The following DZANK1 variants were observed in gnomAD, a reference collection of about 807,000 sequenced individuals.
DZANK1 encodes double zinc ribbon and ankyrin repeat-containing protein 1.
A neutral mutation model predicts 94.5 loss-of-function variants in DZANK1; 91 were observed. That is an observed-to-expected ratio of 0.96 (90% CI 0.81 to 1.15). DZANK1 has a LOEUF of 1.15. DZANK1 is among the 50% of genes most tolerant of loss of function. The pLI, the probability that DZANK1 is intolerant of heterozygous loss-of-function variation, is 0.00. For synonymous variants in DZANK1, 312 were observed against 325.3 expected, an observed-to-expected ratio of 0.96 and a Z score of 0.44; for missense variants, 903 against 916.4, an observed-to-expected ratio of 0.99 and a Z score of 0.19.
chr20:18,398,519 C>G lies in DZANK1; in HGVS notation c.1536+4G>C. 6.2e-7 allele frequency: 1 copy of G among 1,613,740 alleles called. No homozygotes were observed. The highest frequency in any genetic ancestry group is 8.5e-7 in the Non-Finnish European group (1 of 1,179,698). On this transcript the variant is annotated splice_donor_region_variant and intron_variant, in intron 14 of 20. Coordinates refer to ENST00000262547, the Ensembl canonical transcript of DZANK1. ...TTGTGGAGTGGAAATTTCATCTCAC[C>G]CACCTTTCCCATCCTGGGTTCTGCA...
chr20:18,466,504 G>C (rs549574535), intron 1 of DZANK1, among the ~76,000 whole-genome samples: 11 of 152,310 alleles, frequency 7.2e-5, no homozygotes, highest in Admixed American at 7.2e-4. Context: ...GATACTGACA[G>C]CACAACAATA....
chr20:18,395,007 T>C (rs575823010), intron 15 of DZANK1: 15 of 395,964 alleles, frequency 3.8e-5, no homozygotes, highest in East Asian at 2.2e-4. Context: ...TGCCTGCTCC[T>C]GTCCCAGGGA....
chr20:18,437,216 GA>G (rs2148651064), intron 8 of DZANK1, among the ~76,000 whole-genome samples: 1 of 152,256 alleles, frequency 6.6e-6, no homozygotes, highest in East Asian at 1.9e-4. Flanking sequence ...AACATATATA[GA>G]AGCAATATTT....
intron 12 of DZANK1, 63 bp downstream of exon 12, chr20:18,414,285 C>T: frequency 6.3e-7 from 1 of 1,578,812 alleles, no homozygotes; most frequent in Non-Finnish European, 8.6e-7. Context: ...CAGGGTGGAG[C>T]ACACACATTC....
intron 8 of DZANK1, among the ~76,000 whole-genome samples, chr20:18,442,265 G>A (rs368841086): frequency 4.6e-5 from 7 of 152,210 alleles, no homozygotes; most frequent in African/African-American, 1.7e-4. Context: ...TTCCAGGCAA[G>A]TAGAAAATAA....
At chr20:18,442,626 C>A (rs946036009) in intron 8 of DZANK1, among the ~76,000 whole-genome samples, 1 of 152,138 alleles carries the variant, frequency 6.6e-6, no homozygotes, top group East Asian at 1.9e-4. Context: ...TGAGGCATAA[C>A]TCGAATCTAA....
intron 10 of DZANK1, among the ~76,000 whole-genome samples, chr20:18,424,498 A>G (rs2057944209): frequency 1.3e-5 from 2 of 151,952 alleles, no homozygotes; most frequent in South Asian, 4.2e-4. Context: ...AAGAAAAGAA[A>G]AAAATGACAG....
exon 20 of DZANK1, chr20:18,385,033 G>A (rs1467228261): frequency 2.6e-6 from 4 of 1,552,748 alleles, no homozygotes; most frequent in Non-Finnish European, 3.5e-6. Context: ...AAGTGGCGGT[G>A]CTCTCTCTTC....
Position 18,441,459 on chromosome 20 carries a change from G to T in DZANK1, c.747+1888C>A, listed in dbSNP as rs1568987306. ...AAGTTCATATAAATAGTTATTAACTGGTATCCAGGGATTAACTACTAATGG... is the reference window on the plus strand; with the variant it reads ...AAGTTCATATAAATAGTTATTAACTTGTATCCAGGGATTAACTACTAATGG... On this transcript the variant is annotated intron_variant, in intron 8 of 20. Coordinates refer to ENST00000262547, the Ensembl canonical transcript of DZANK1. The surrounding 1 kb of genome is among the most constrained non-coding windows in gnomAD (Gnocchi z 4.1). Among the ~76,000 whole-genome samples, 1 of 152,174 alleles carries T rather than the reference G, an allele frequency of 6.6e-6. No individual in the cohort carries two copies. The highest frequency in any genetic ancestry group is 1.5e-5 in the Non-Finnish European group (1 of 68,028).
chr20:18,394,991 C>A (rs779500387), intron 15 of DZANK1: 3 of 409,354 alleles, frequency 7.3e-6, no homozygotes, highest in South Asian at 5.3e-5. Flanking sequence ...TGCACCCTCA[C>A]GTGGCTGCCT....
At chr20:18,400,389 G>C (rs2056604820) in intron 13 of DZANK1, among the ~76,000 whole-genome samples, 1 of 152,184 alleles carries the variant, frequency 6.6e-6, no homozygotes, top group Non-Finnish European at 1.5e-5. Flanking sequence ...GAGAAGCTAG[G>C]GGATCTGCTC....
intron 13 of DZANK1, among the ~76,000 whole-genome samples, chr20:18,409,911 C>T (rs1047249121): frequency 1.3e-5 from 2 of 151,102 alleles, no homozygotes; most frequent in East Asian, 1.9e-4. Flanking sequence ...CTACTAAAAA[C>T]ACAAAAAATT....
At chr20:18,399,455 C>G (rs1266568017) in intron 13 of DZANK1, among the ~76,000 whole-genome samples, 1 of 152,100 alleles carries the variant, frequency 6.6e-6, no homozygotes, top group Non-Finnish European at 1.5e-5. Context: ...GTCACAAACT[C>G]CTGGGCTCAA....
chr20:18,384,162 C>T lies in DZANK1; in HGVS notation c.*237G>A, dbSNP rs185299570. On this transcript the variant is annotated 3_prime_UTR_variant, in exon 21 of 21. Transcript: ENST00000262547. Reference sequence around the variant, plus strand: ...GTAACCTCTGCCTCCCGGGTTCAAGCGATTTTCCTGCCTCAGCCTCTCGAG... The same window carrying T: ...GTAACCTCTGCCTCCCGGGTTCAAGTGATTTTCCTGCCTCAGCCTCTCGAG... The T allele has an allele frequency of 1.9e-3, 594 of 314,370 alleles. 7 individuals carry two copies. The highest frequency in any genetic ancestry group is 0.011 in the African/African-American group (525 of 46,538). 19.5% of individuals were successfully genotyped at this position (314,370 alleles called of 1,614,324 possible). A position where few individuals can be genotyped will look rare whatever the true frequency, so the allele number is the denominator to read the frequency against.
intron 10 of DZANK1, among the ~76,000 whole-genome samples, chr20:18,423,295 T>C (rs1168626007): frequency 6.6e-6 from 1 of 152,200 alleles, no homozygotes; most frequent in Admixed American, 6.5e-5. Flanking sequence ...TGTTTCCCTG[T>C]CATTAAGTGA....
intron 17 of DZANK1, 55 bp from the exon 18 acceptor site, chr20:18,390,514 C>T: frequency 6.6e-7 from 1 of 1,514,084 alleles, no homozygotes; most frequent in Non-Finnish European, 9.2e-7. Context: ...TCACTCAAGG[C>T]AAACACTTTC....
At chr20:18,394,633 C>CA (rs1568882090) in intron 15 of DZANK1, 1 of 605,132 alleles carries the variant, frequency 1.7e-6, no homozygotes, top group African/African-American at 1.8e-5. Flanking sequence ...AGCCTTTCAA[C>CA]AGGGGTCTGC....
chr20:18,398,800 A>G (rs1431838183), intron 13 of DZANK1, among the ~76,000 whole-genome samples, 174 bp from the exon 14 acceptor site: 1 of 152,232 alleles, frequency 6.6e-6, no homozygotes, highest in Non-Finnish European at 1.5e-5. Context: ...TTTCCTCCAT[A>G]ACTGCTTGTT....
At chr20:18,384,384 G>A (rs368933718) in exon 21 of DZANK1, 43 of 1,603,176 alleles carry the variant, frequency 2.7e-5, no homozygotes, top group African/African-American at 9.4e-5. Flanking sequence ...ATGAAGTCCC[G>A]TGGAGGCCTC....
Sources: gnomAD v4.1 joint callset for allele counts (sites outside exome capture counted in the v4.1 genomes callset) on GRCh38, gnomAD v4.1.1 for gene constraint, Gnocchi (gnomAD v3.1) non-coding constraint, MANE v1.5 for transcripts, NCBI Gene and HGNC (gene_info 2026-07-23, HGNC 2026-07-21) for gene names.